The following EYS variants were observed in gnomAD, a reference collection of about 807,000 sequenced individuals.
EYS encodes the protein EGF-like photoreceptor maintenance factor.
A neutral mutation model predicts 282.1 loss-of-function variants in EYS; 250 were observed. The observed-to-expected ratio is 0.89, with a 90% CI of 0.80 to 0.98. The LOEUF (loss-of-function observed/expected upper bound fraction) is 0.98. Among genes scored for constraint, EYS ranks in the 50% least tolerant of loss-of-function variants. The pLI, the probability that EYS is intolerant of heterozygous loss-of-function variation, is 0.00. For missense variants in EYS, 4,016 were observed against 3,709.0 expected (o/e 1.08, Z -2.15); for synonymous variants, 1,355 against 1,282.9 (o/e 1.06, Z -1.20).
At chr6:65,699,019 G>A (rs767864762) in intron 1 of EYS, among the ~76,000 whole-genome samples, 3 of 152,078 alleles carry the variant, frequency 2.0e-5, no homozygotes, top group Admixed American at 1.3e-4. Flanking sequence ...GATTCAGCAC[G>A]AGCTTTATTT....
chr6:64,591,251 G>C lies in EYS; in HGVS notation c.4616C>G (p.Thr1539Arg). The change falls in exon 26 of 43, where the codon ACA (threonine) becomes AGA (arginine). Residue 1539 changes from threonine to arginine, a missense_variant. Physicochemically the swap from Thr to Arg is moderately conservative, Grantham distance 71. Transcript: ENST00000503581. ...ITEASSNQRL[T>R]NIKSQAADSL... ...ATCAGCAGCCTGTGATTTGATGTTT[G>C]TGAGTCTCTGGTTGCTTGAAGCCTC... 6.4e-7 allele frequency: 1 copy of C among 1,551,426 alleles called. No homozygotes were observed. The highest frequency in any genetic ancestry group is 2.0e-5 in the Admixed American group (1 of 50,966).
rs535357898 is a variant in EYS, at chr6:64,696,128, T to C, written c.3444-69883A>G. Among the ~76,000 whole-genome samples, 63 of 152,202 alleles carry C rather than the reference T, an allele frequency of 4.1e-4. 1 individual carries two copies. The South Asian group carries it at 5.0e-3, about 12-fold the overall frequency. On this transcript the variant is annotated intron_variant, in intron 22 of 42. Transcript: ENST00000503581. ...AAGAAATCAGAAAATCAATTCAGGATATGAATGAGAAATGTACCAAAGAGA... is the reference window on the plus strand; with the variant it reads ...AAGAAATCAGAAAATCAATTCAGGACATGAATGAGAAATGTACCAAAGAGA...
intron 39 of EYS, among the ~76,000 whole-genome samples, chr6:63,785,707 A>G (rs942222408): frequency 1.3e-5 from 2 of 152,188 alleles, no homozygotes; most frequent in East Asian, 1.9e-4. Flanking sequence ...AGAGTTATTT[A>G]TCAAGAGTTT....
chr6:65,487,483 T>C (rs1405286847), intron 5 of EYS, among the ~76,000 whole-genome samples: 1 of 152,190 alleles, frequency 6.6e-6, no homozygotes, highest in African/African-American at 2.4e-5. Context: ...CATTTGTTGA[T>C]TTGCGTATGT....
At chr6:64,710,743 CAA>C (rs1771183487) in intron 22 of EYS, among the ~76,000 whole-genome samples, 2 of 152,210 alleles carry the variant, frequency 1.3e-5, no homozygotes, top group Non-Finnish European at 2.9e-5. Flanking sequence ...CTCACTTGCT[CAA>C]AGAGTGCTCT....
At chr6:65,104,159 AACATTGGAAGT>A (rs1774969734) in intron 12 of EYS, among the ~76,000 whole-genome samples, 1 of 151,416 alleles carries the variant, frequency 6.6e-6, no homozygotes, top group Admixed American at 6.6e-5. Flanking sequence ...TTAAGTATTA[AACATTGGAAGT>A]GATTACACTA....
At chr6:64,444,899 C>T (rs893075200) in intron 26 of EYS, among the ~76,000 whole-genome samples, 4 of 152,136 alleles carry the variant, frequency 2.6e-5, no homozygotes, top group East Asian at 1.9e-4. Flanking sequence ...TGAAACCCTG[C>T]CTCCCACTTC....
chr6:64,085,522 A>G (rs1268917256), intron 31 of EYS, among the ~76,000 whole-genome samples: 1 of 152,164 alleles, frequency 6.6e-6, no homozygotes. Flanking sequence ...GCCTTCTTCA[A>G]AAACATTTTC....
intron 21 of EYS, chr6:64,815,215 C>A: frequency 2.2e-6 from 1 of 456,882 alleles, no homozygotes; most frequent in Non-Finnish European, 4.4e-6. Context: ...ATTTGTTCCA[C>A]TTTTGCTGAA....
rs539783917 is a variant in EYS at position 64,689,143 on chromosome 6, G to A, written c.3444-62898C>T. On this transcript the variant is annotated intron_variant, in intron 22 of 42. Transcript: ENST00000503581. Reference sequence around the variant, plus strand: ...CAAAGTCTCAGGATACAAAATCAATGTGCAAAAATCACAAGCATTCCTATA... The same window carrying A: ...CAAAGTCTCAGGATACAAAATCAATATGCAAAAATCACAAGCATTCCTATA... 5.7e-4 allele frequency among the ~76,000 whole-genome samples: 87 copies of A among 152,242 alleles called. 1 individual carries two copies. The highest frequency in any genetic ancestry group is 5.1e-3 in the Admixed American group (78 of 15,278).
intron 30 of EYS, among the ~76,000 whole-genome samples, chr6:64,244,145 A>G (rs1766928527): frequency 6.6e-6 from 1 of 152,164 alleles, no homozygotes; most frequent in African/African-American, 2.4e-5. Context: ...TTGGTTATAT[A>G]TCTGGTATAG....
chr6:64,550,854 A>T (rs986617802), intron 26 of EYS, among the ~76,000 whole-genome samples: 4 of 152,152 alleles, frequency 2.6e-5, no homozygotes, highest in Admixed American at 6.5e-5. Flanking sequence ...GTGAACTCCC[A>T]TTCACAATTG....
At chr6:64,417,755 C>T (rs1360384141) in intron 28 of EYS, among the ~76,000 whole-genome samples, 1 of 147,872 alleles carries the variant, frequency 6.8e-6, no homozygotes, top group Non-Finnish European at 1.5e-5. Flanking sequence ...ACTGCAACCT[C>T]GGCCTCCTGG....
intron 22 of EYS, among the ~76,000 whole-genome samples, chr6:64,778,101 T>C (rs1773734292): frequency 1.3e-5 from 2 of 152,112 alleles, no homozygotes; most frequent in Non-Finnish European, 2.9e-5. Flanking sequence ...CTGCCAAGAA[T>C]CCAGAATGTG....
chr6:64,172,991 T>C (rs1278674349), intron 31 of EYS, among the ~76,000 whole-genome samples: 1 of 152,160 alleles, frequency 6.6e-6, no homozygotes, highest in Non-Finnish European at 1.5e-5. Context: ...ATCGCTGCTT[T>C]ATTCAAGAGA....
At chr6:64,296,214 T>C (rs1768979227) in intron 30 of EYS, among the ~76,000 whole-genome samples, 2 of 152,188 alleles carry the variant, frequency 1.3e-5, no homozygotes, top group African/African-American at 2.4e-5. Flanking sequence ...TTTCAAAATA[T>C]GTATGTGTTG....
chr6:65,323,944 A>G (rs1582141849), intron 11 of EYS, among the ~76,000 whole-genome samples: 1 of 152,160 alleles, frequency 6.6e-6, no homozygotes, highest in African/African-American at 2.4e-5. Context: ...CCACTCCCTC[A>G]CTTTCCCAGT....
intron 39 of EYS, among the ~76,000 whole-genome samples, chr6:63,786,765 A>G (rs1362935284): frequency 6.6e-6 from 1 of 152,054 alleles, no homozygotes; most frequent in East Asian, 1.9e-4. Flanking sequence ...TTAAAATGCA[A>G]ATTTTTAGAT....
rs187600801 is a variant in EYS at position 64,878,935 on chromosome 6, G to A, written c.2992+7762C>T. 1.2e-4 allele frequency among the ~76,000 whole-genome samples: 18 copies of A among 152,162 alleles called. 1 individual carries two copies. In the East Asian group the frequency reaches 3.5e-3, roughly 29 times the overall value. On this transcript the variant is annotated intron_variant, in intron 19 of 42. Transcript: ENST00000503581. ...ATCCTCCTGGTGTTTATTTTGCCCTGTGCTAGAAACTGCATTGATATTTTA... is the reference window on the plus strand; with the variant it reads ...ATCCTCCTGGTGTTTATTTTGCCCTATGCTAGAAACTGCATTGATATTTTA...
Sources: gnomAD v4.1 joint callset for allele counts (sites outside exome capture counted in the v4.1 genomes callset) on GRCh38, gnomAD v4.1.1 for gene constraint, MANE v1.5 for transcripts, NCBI Gene and HGNC (gene_info 2026-07-23, HGNC 2026-07-21) for gene names.